ADAM12: variants seen among roughly 807,000 people sequenced by gnomAD.
The protein encoded by ADAM12 is ADAM metallopeptidase domain 12.
In ADAM12, 70 loss-of-function variants were observed where a neutral mutation model predicts 106.4. The ratio of observed to expected loss-of-function variants is 0.66; its 90% CI spans 0.54 to 0.80. The LOEUF (loss-of-function observed/expected upper bound fraction) is 0.80. Among genes scored for constraint, ADAM12 ranks in the 30% least tolerant of loss-of-function variants. ADAM12 has a pLI of 0.00. For synonymous variants in ADAM12, 420 were observed against 433.5 expected (o/e 0.97, Z 0.39); for missense variants, 1,010 against 1,171.9 (o/e 0.86, Z 2.02).
At chr10:126,089,685 TC>T (rs1174101635) in intron 11 of ADAM12, among the ~76,000 whole-genome samples, 2 of 152,124 alleles carry the variant, frequency 1.3e-5, no homozygotes, top group Non-Finnish European at 2.9e-5. Flanking sequence ...CTCTGGTTCC[TC>T]CATTTCTACC....
At chr10:126,017,430 T>TA (rs1254510871) in intron 22 of ADAM12, 91 bp from the exon 23 acceptor site, 1 of 1,271,348 alleles carries the variant, frequency 7.9e-7, no homozygotes, top group Non-Finnish European at 1.1e-6. Flanking sequence ...TGTATTCTGA[T>TA]AGTCTGAAGG....
At chr10:126,364,572 C>G (rs1269095845) in intron 1 of ADAM12, among the ~76,000 whole-genome samples, 1 of 151,852 alleles carries the variant, frequency 6.6e-6, no homozygotes, top group Non-Finnish European at 1.5e-5. Context: ...AGAAAAATAA[C>G]TAGAAAAATA....
chr10:126,015,603 T>C lies in ADAM12; in HGVS notation c.*1676A>G, dbSNP rs143579138. 6.6e-6 allele frequency: 1 copy of C among 152,324 alleles called. No homozygotes were observed. Among genetic ancestry groups the C allele is most frequent in the African/African-American group, 2.4e-5 (1 of 41,576 alleles). 9.4% of individuals were successfully genotyped at this position (152,324 alleles called of 1,614,324 possible). A position where few individuals can be genotyped will look rare whatever the true frequency, so the allele number is the denominator to read the frequency against. On this transcript the variant is annotated 3_prime_UTR_variant, in exon 23 of 23. Coordinates refer to ENST00000448723, the MANE Select transcript of ADAM12 (RefSeq NM_001288973.2). ...CACGTGTTTAGTTTATCCATAGTCA[T>C]GAATACTATGTTGCCTAGATACAGT...
intron 14 of ADAM12, among the ~76,000 whole-genome samples, chr10:126,059,141 T>C (rs1342555200): frequency 6.6e-6 from 1 of 152,234 alleles, no homozygotes; most frequent in Non-Finnish European, 1.5e-5. Flanking sequence ...ATATTTGTAA[T>C]TGTAGTTTGG....
intron 18 of ADAM12, chr10:126,041,922 C>T (rs1016146687): frequency 1.4e-6 from 2 of 1,413,414 alleles, no homozygotes; most frequent in Non-Finnish European, 1.8e-6. Flanking sequence ...GAAGCTCAAC[C>T]AGGAAGTCGC....
intron 21 of ADAM12, among the ~76,000 whole-genome samples, chr10:126,032,735 T>C (rs1953992760): frequency 1.3e-5 from 2 of 152,314 alleles, no homozygotes; most frequent in South Asian, 2.1e-4. Flanking sequence ...TATGAGTTCA[T>C]AGCTTTTGTC....
intron 3 of ADAM12, among the ~76,000 whole-genome samples, chr10:126,272,138 T>G (rs574643010): frequency 6.6e-6 from 1 of 152,356 alleles, no homozygotes; most frequent in South Asian, 2.1e-4. Flanking sequence ...ACTGTTTTTG[T>G]AATGATCTGC....
chr10:126,103,819 C>A (rs1288072539), intron 8 of ADAM12, among the ~76,000 whole-genome samples: 1 of 152,244 alleles, frequency 6.6e-6, no homozygotes, highest in Non-Finnish European at 1.5e-5. Flanking sequence ...TACACAACAG[C>A]AACAAATATT....
chr10:126,291,084 T>C (rs917023101), intron 2 of ADAM12, among the ~76,000 whole-genome samples: 3 of 152,232 alleles, frequency 2.0e-5, no homozygotes, highest in Non-Finnish European at 4.4e-5. Context: ...CTGTGTTTAT[T>C]AACCAGAAAG....
At chr10:126,171,384 C>A (rs1395615246) in intron 3 of ADAM12, among the ~76,000 whole-genome samples, 3 of 151,942 alleles carry the variant, frequency 2.0e-5, no homozygotes, top group African/African-American at 7.3e-5. Context: ...CTTAAAAAAC[C>A]GTGGCAGGGG....
chr10:126,225,488 T>C (rs1344752081), intron 3 of ADAM12, among the ~76,000 whole-genome samples: 1 of 152,192 alleles, frequency 6.6e-6, no homozygotes, highest in Non-Finnish European at 1.5e-5. Context: ...CCGTCATCCA[T>C]GCGTGATCCT....
At chr10:126,048,976 TC>T in intron 16 of ADAM12, among the ~76,000 whole-genome samples, 1 of 152,316 alleles carries the variant, frequency 6.6e-6, no homozygotes, top group East Asian at 1.9e-4. Context: ...TGTATTTCTT[TC>T]CAAAGTAATT....
chr10:126,127,040 A>C (rs1316415704), intron 5 of ADAM12, among the ~76,000 whole-genome samples: 1 of 152,240 alleles, frequency 6.6e-6, no homozygotes, highest in Admixed American at 6.5e-5. Context: ...GCTGGTGGCC[A>C]GTGGATCCCT....
intron 17 of ADAM12, among the ~76,000 whole-genome samples, chr10:126,044,230 G>A (rs1375476922): frequency 2.0e-5 from 3 of 151,568 alleles, no homozygotes; most frequent in African/African-American, 7.3e-5. Flanking sequence ...GAGGCCAGGA[G>A]TTCAAGACCA....
At chr10:126,119,991 C>T (rs1956056199) in intron 5 of ADAM12, among the ~76,000 whole-genome samples, 1 of 152,158 alleles carries the variant, frequency 6.6e-6, no homozygotes, top group African/African-American at 2.4e-5. Context: ...CTCTGAATTC[C>T]CATGTGTCTA....
chr10:126,079,303 C>T (rs1037688361), intron 11 of ADAM12, among the ~76,000 whole-genome samples: 2 of 152,092 alleles, frequency 1.3e-5, no homozygotes, highest in African/African-American at 4.8e-5. Flanking sequence ...AAACAAACCC[C>T]ACATCCATGA....
chr10:126,180,838 A>AC (rs1432648955), intron 3 of ADAM12, among the ~76,000 whole-genome samples: 7 of 152,140 alleles, frequency 4.6e-5, no homozygotes, highest in Non-Finnish European at 8.8e-5. Context: ...GCTTCTGGAG[A>AC]GAGGGCCATC....
intron 2 of ADAM12, among the ~76,000 whole-genome samples, chr10:126,305,854 G>A (rs1382624594): frequency 1.3e-5 from 2 of 151,782 alleles, no homozygotes; most frequent in African/African-American, 2.4e-5. Flanking sequence ...GTCTTAAATC[G>A]ACTATATTTA....
chr10:126,302,701 A>T (rs1180413982), intron 2 of ADAM12, among the ~76,000 whole-genome samples: 1 of 152,196 alleles, frequency 6.6e-6, no homozygotes, highest in Non-Finnish European at 1.5e-5. Context: ...ACCAATGGTG[A>T]GGATGTTTCA....
Sources: gnomAD v4.1 joint callset for allele counts (sites outside exome capture counted in the v4.1 genomes callset) on GRCh38, gnomAD v4.1.1 for gene constraint, MANE v1.5 for transcripts, NCBI Gene and HGNC (gene_info 2026-07-23, HGNC 2026-07-21) for gene names.